Variants in MTA2 observed in about 807,000 individuals in gnomAD.
MTA2 encodes metastasis-associated protein MTA2.
MTA2 carries 22 observed loss-of-function variants against 87.1 expected under a neutral mutation model. That is an observed-to-expected ratio of 0.25 (90% CI 0.18 to 0.36). The LOEUF (loss-of-function observed/expected upper bound fraction) is 0.36. MTA2 is among the 10% of genes least tolerant of loss of function. The probability of loss-of-function intolerance (pLI) is 1.00; values close to 1 mark genes in which losing one functional copy is unlikely to be tolerated. For synonymous variants in MTA2, 314 were observed against 310.1 expected, an observed-to-expected ratio of 1.01 and a Z score of -0.13; for missense variants, 542 against 853.2, an observed-to-expected ratio of 0.64 and a Z score of 4.54.
chr11:62,600,576 A>C, intron 2 of MTA2, 46 bp downstream of exon 2: 8 of 1,560,044 alleles, frequency 5.1e-6, no homozygotes, highest in South Asian at 1.1e-5. Context: ...GAAACCTCAG[A>C]AGAGACCACT....
rs1942095709 is a variant in MTA2 at position 62,596,161 on chromosome 11, G to T, written c.1017-54C>A. 7 of 1,601,392 alleles carry T rather than the reference G, an allele frequency of 4.4e-6. No individual in the cohort carries two copies. The Admixed American group carries it at 5.1e-5, about 12-fold the overall frequency. ...AAAACAAGAAACTGGTCAAGGAAAAGAATCAATTTCCACTCTCAGTGTGCC... is the reference window on the plus strand; with the variant it reads ...AAAACAAGAAACTGGTCAAGGAAAATAATCAATTTCCACTCTCAGTGTGCC... On this transcript the variant is annotated intron_variant, in intron 11 of 17. Coordinates refer to ENST00000278823, the MANE Select transcript of MTA2 (RefSeq NM_004739.4).
chr11:62,596,679 T>C lies in MTA2; in HGVS notation c.840A>G (p.Leu280=), dbSNP rs766124430. 7 of 1,613,816 alleles carry C rather than the reference T, an allele frequency of 4.3e-6. No individual in the cohort carries two copies. In the Admixed American group the frequency reaches 1.0e-4, roughly 23 times the overall value. The part of the protein sequence containing the change: ...ASEAMLFEEA[L]EKYGKDFNDI... ...CATTGAAGTCCTTCCCATACTTCTC[T>C]AGGGCCTCCTCAAATAGCATGGCCT... Residue 280 remains leucine (L), a synonymous_variant, in exon 9 of 18, where the codon CTA becomes CTG. Transcript: ENST00000278823.
intron 6 of MTA2, 45 bp from the exon 7 acceptor site, chr11:62,597,757 A>C (rs1292692117): frequency 6.6e-7 from 1 of 1,516,610 alleles, no homozygotes. Flanking sequence ...GGCAGGGGGG[A>C]ACAGTTGGTG....
rs1024409137 is a variant in MTA2, at chr11:62,595,176, C to T, written c.1483+88G>A. ...AAAAATTATCTGTGGCCTACTATCC[C>T]TCCTGTTATTAGACATCCAGAGAAA... On this transcript the variant is annotated intron_variant, in intron 14 of 17. Transcript: ENST00000278823. The surrounding 1 kb of genome is among the most constrained non-coding windows in gnomAD (Gnocchi z 4.9). The T allele has an allele frequency of 1.4e-5, 22 of 1,546,544 alleles. No individual in the cohort carries two copies. Among genetic ancestry groups the T allele is most frequent in the Non-Finnish European group, 2.0e-5 (22 of 1,124,708 alleles).
chr11:62,594,772 C>CA, intron 15 of MTA2, 138 bp from the exon 16 acceptor site: 1 of 880,930 alleles, frequency 1.1e-6, no homozygotes, highest in Non-Finnish European at 1.8e-6. Flanking sequence ...GGCAAGCTAT[C>CA]ACTAGTATTT....
chr11:62,596,682 G>A lies in MTA2; in HGVS notation c.837C>T (p.Ala279=), dbSNP rs753473738. The A allele has an allele frequency of 3.6e-5, 58 of 1,613,728 alleles. No homozygotes were observed. In the South Asian group the frequency reaches 6.2e-4, roughly 17 times the overall value. The change falls in exon 9 of 18, where the codon GCC becomes GCT. Residue 279 remains alanine, a synonymous_variant. Coordinates refer to ENST00000278823, the MANE Select transcript of MTA2 (RefSeq NM_004739.4). The stretch of plus-strand genomic sequence containing the variant: ...TGAAGTCCTTCCCATACTTCTCTAG[G>A]GCCTCCTCAAATAGCATGGCCTCTG... ...SASEAMLFEE[A]LEKYGKDFND...
At chr11:62,599,869 C>T (rs1322499064) in intron 3 of MTA2, among the ~76,000 whole-genome samples, 1 of 152,200 alleles carries the variant, frequency 6.6e-6, no homozygotes, top group Non-Finnish European at 1.5e-5. Context: ...CAATGTACCC[C>T]AAACTGCCCC....
rs757054677 is a variant in MTA2, at chr11:62,595,498, A to G, written c.1255-6T>C. On this transcript the variant is annotated splice_region_variant and splice_polypyrimidine_tract_variant and intron_variant, in intron 13 of 17. Coordinates refer to ENST00000278823, the MANE Select transcript of MTA2 (RefSeq NM_004739.4). The surrounding 1 kb of genome is among the most constrained non-coding windows in gnomAD (Gnocchi z 4.9). The stretch of plus-strand genomic sequence containing the variant: ...TGACCCCTTGAGTGTGGCTCCTAGA[A>G]GAAGAGCATAGGAAAGAGAGAGAGC... The G allele has an allele frequency of 6.2e-7, 1 of 1,613,674 alleles. No homozygotes were observed. Among genetic ancestry groups the G allele is most frequent in the Non-Finnish European group, 8.5e-7 (1 of 1,179,616 alleles).
chr11:62,601,460 C>T lies in MTA2; in HGVS notation c.-10G>A. Reference sequence around the variant, plus strand: ...ACATGTTGGCCGCCATGGCCGTTCCCGCCGCCGCCTCCGGCCGCACAAAGG... The same window carrying T: ...ACATGTTGGCCGCCATGGCCGTTCCTGCCGCCGCCTCCGGCCGCACAAAGG... On this transcript the variant is annotated 5_prime_UTR_variant, in exon 1 of 18. Coordinates refer to ENST00000278823, the MANE Select transcript of MTA2 (RefSeq NM_004739.4). 1.2e-6 allele frequency: 2 copies of T among 1,608,844 alleles called. No homozygotes were observed. The highest frequency in any genetic ancestry group is 2.2e-5 in the East Asian group (1 of 44,458).
In MTA2 at chr11:62,596,726, T is replaced by C. The variant is rs1035686463; in HGVS notation, c.793A>G (p.Met265Val). Residue 265 changes from methionine (M) to valine (V), a missense_variant, in exon 9 of 18, where the codon ATG becomes GTG. Transcript: ENST00000278823. ...QGGPVLCRDEMEEWSASEAML... is the reference protein window; with the variant it reads ...QGGPVLCRDEVEEWSASEAML... ...GCCTCTGAGGCTGACCATTCCTCCATCTCATCCCGACACAGCACCGGGCCT... is the reference window on the plus strand; with the variant it reads ...GCCTCTGAGGCTGACCATTCCTCCACCTCATCCCGACACAGCACCGGGCCT... 1 of 1,614,028 alleles carries C rather than the reference T, an allele frequency of 6.2e-7. No homozygotes were observed.
In MTA2 at chr11:62,595,856, G is replaced by A; in HGVS notation, c.1150C>T (p.Pro384Ser). 2 of 1,614,144 alleles carry A rather than the reference G, an allele frequency of 1.2e-6. No individual in the cohort carries two copies. The highest frequency in any genetic ancestry group is 1.1e-5 in the South Asian group (1 of 91,078). The stretch of plus-strand genomic sequence containing the variant: ...GCACAGAGGCGGCACTGCATGTTAG[G>A]TGGGCCCCAGGCATACCACTGAGCA... ...QSAQWYAWGP[P>S]NMQCRLCASC... Residue 384 changes from proline (P) to serine (S), a missense_variant, in exon 13 of 18, where the codon CCT (proline) becomes TCT (serine). This residue lies in a region of MTA2 where 46 missense variants were observed against 109.1 expected (regional missense o/e 0.42). Transcript: ENST00000278823. This position sits in a 1 kb window ranked among gnomAD's most constrained non-coding sequence, Gnocchi z 4.9.
intron 11 of MTA2, 45 bp from the exon 12 acceptor site, chr11:62,596,152 C>A: frequency 1.2e-6 from 2 of 1,606,294 alleles, no homozygotes; most frequent in South Asian, 2.2e-5. Flanking sequence ...AGAAACTGGT[C>A]AAGGAAAAGA....
intron 8 of MTA2, 80 bp downstream of exon 8, chr11:62,597,236 A>G: frequency 1.1e-6 from 1 of 948,496 alleles, no homozygotes; most frequent in East Asian, 2.5e-5. Context: ...TCCCTCAGAG[A>G]TACCCTCCTC....
rs1004204769 is a variant in MTA2, at chr11:62,600,767, G to A, written c.29-78C>T. On this transcript the variant is annotated intron_variant, in intron 1 of 17. Transcript: ENST00000278823. ...GCAGAGCACCAGGGTAGGAGAGAAA[G>A]TTGGCCTGAGTGGATCAAAAGGAGA... 22 of 1,301,666 alleles carry A rather than the reference G, an allele frequency of 1.7e-5. 1 individual carries two copies. The highest frequency in any genetic ancestry group is 2.1e-4 in the Middle Eastern group (1 of 4,808). 80.6% of individuals were successfully genotyped at this position (1,301,666 alleles called of 1,614,324 possible).
chr11:62,601,284 T>A, intron 1 of MTA2, 139 bp downstream of exon 1: 1 of 1,098,936 alleles, frequency 9.1e-7, no homozygotes, highest in Non-Finnish European at 1.3e-6. Flanking sequence ...TCTCCTCGTC[T>A]CCCGGTTCCG....
intron 6 of MTA2, 50 bp downstream of exon 6, chr11:62,597,974 C>G: frequency 6.7e-7 from 1 of 1,502,242 alleles, no homozygotes; most frequent in Non-Finnish European, 9.3e-7. Context: ...TTAAAGTGCC[C>G]CTTGGAATTA....
Position 62,594,751 on chromosome 11 carries a change from G to A in MTA2, c.1574-117C>T, listed in dbSNP as rs1590729263. ...TGGGCATCCCCAAAAGTAGCAATGG[G>A]GGAATGTTCTGGCAAGCTATCACTA... On this transcript the variant is annotated intron_variant, in intron 15 of 17. Transcript: ENST00000278823. 1.5e-5 allele frequency: 15 copies of A among 1,000,424 alleles called. 1 individual carries two copies. The East Asian group carries it at 3.6e-4, about 24-fold the overall frequency. 62.0% of individuals were successfully genotyped at this position (1,000,424 alleles called of 1,614,324 possible).
Position 62,595,899 on chromosome 11 carries a change from G to A in MTA2, c.1115-8C>T. 6.2e-7 allele frequency: 1 copy of A among 1,614,144 alleles called. No homozygotes were observed. The highest frequency in any genetic ancestry group is 8.5e-7 in the Non-Finnish European group (1 of 1,180,024). On this transcript the variant is annotated splice_polypyrimidine_tract_variant and splice_region_variant and intron_variant, in intron 12 of 17. Transcript: ENST00000278823. The surrounding 1 kb of genome is among the most constrained non-coding windows in gnomAD (Gnocchi z 4.9). ...ACTGAGCAGACTGTGTGGCTGTAGAGTACGGAGAGGAGGGGGACAGGGAAG... is the reference window on the plus strand; with the variant it reads ...ACTGAGCAGACTGTGTGGCTGTAGAATACGGAGAGGAGGGGGACAGGGAAG...
Position 62,593,872 on chromosome 11 carries a change from T to C in MTA2, c.*3A>G, listed in dbSNP as rs780006198. Reference sequence around the variant, plus strand: ...TCAGCCCACCTCCCTTCCCCACAGGTGCTCAGTCCTCCAGGACAATAGGCT... The same window carrying C: ...TCAGCCCACCTCCCTTCCCCACAGGCGCTCAGTCCTCCAGGACAATAGGCT... On this transcript the variant is annotated 3_prime_UTR_variant, in exon 18 of 18. Coordinates refer to ENST00000278823, the MANE Select transcript of MTA2 (RefSeq NM_004739.4). 5.0e-6 allele frequency: 8 copies of C among 1,613,886 alleles called. No individual in the cohort carries two copies. The African/African-American group carries it at 1.1e-4, about 22-fold the overall frequency.
Sources: allele counts gnomAD v4.1 joint callset (sites outside exome capture counted in the v4.1 genomes callset), GRCh38; gene constraint gnomAD v4.1.1; regional missense constraint gnomAD v4.1.1; non-coding constraint Gnocchi (gnomAD v3.1); transcripts MANE v1.5; gene names NCBI Gene and HGNC (gene_info 2026-07-23, HGNC 2026-07-21).